MYO16: variants seen among roughly 807,000 people sequenced by gnomAD.
The protein encoded by MYO16 is unconventional myosin-XVI.
Under a neutral mutation model 205.3 loss-of-function variants are expected in MYO16, and 94 were observed. The observed-to-expected ratio is 0.46, with a 90% CI of 0.39 to 0.54. MYO16 has a LOEUF of 0.54. MYO16 is among the 20% of genes least tolerant of loss of function. The pLI, the probability that MYO16 is intolerant of heterozygous loss-of-function variation, is 0.00. For synonymous variants in MYO16, 988 were observed against 954.0 expected, an observed-to-expected ratio of 1.04 and a Z score of -0.66; for missense variants, 2,315 against 2,387.5, an observed-to-expected ratio of 0.97 and a Z score of 0.63.
At chr13:109,096,585 G>A (rs1373725822) in intron 27 of MYO16, among the ~76,000 whole-genome samples, 1 of 152,196 alleles carries the variant, frequency 6.6e-6, no homozygotes, top group Non-Finnish European at 1.5e-5. Context: ...GAGGATGTGA[G>A]GTGATATGAA....
the MYO16 span, among the ~76,000 whole-genome samples, chr13:108,529,482 A>G: frequency 4.2e-4 from 64 of 152,226 alleles, 1 homozygote; most frequent in African/African-American, 1.5e-3. Context: ...TGTTTTCTCT[A>G]TTAAAACCCC....
intron 2 of MYO16, among the ~76,000 whole-genome samples, chr13:108,685,620 T>A (rs140312992): frequency 1.3e-5 from 2 of 152,154 alleles, no homozygotes; most frequent in Admixed American, 1.3e-4. Context: ...CCTTCAAATA[T>A]CCCGTTCTGG....
intron 34 of MYO16, among the ~76,000 whole-genome samples, chr13:109,189,611 C>T (rs1879826793): frequency 6.6e-6 from 1 of 152,214 alleles, no homozygotes; most frequent in Non-Finnish European, 1.5e-5. Flanking sequence ...GAACCATGTG[C>T]TACATCTGTG....
intron 27 of MYO16, among the ~76,000 whole-genome samples, chr13:109,066,196 G>A (rs1356018223): frequency 6.6e-6 from 1 of 152,190 alleles, no homozygotes; most frequent in Non-Finnish European, 1.5e-5. Flanking sequence ...CAATGAGGCA[G>A]ACCCTCGCTA....
intron 4 of MYO16, chr13:108,779,455 G>A (rs1886229629): frequency 6.6e-6 from 1 of 152,228 alleles, no homozygotes; most frequent in African/African-American, 2.4e-5. Context: ...ACAACTTTGG[G>A]GAGGAGCCTT....
At chr13:108,972,210 T>C (rs1382815977) in intron 20 of MYO16, among the ~76,000 whole-genome samples, 1 of 6,004 alleles carries the variant, frequency 1.7e-4, no homozygotes, top group Non-Finnish European at 3.3e-4. Context: ...ACCCTGTCTC[T>C]CTCTCTCTCT....
At position 109,207,107 on chromosome 13, in the gene MYO16, A is replaced by C; in HGVS notation, c.*271A>C. On this transcript the variant is annotated 3_prime_UTR_variant, in exon 35 of 35. Transcript: ENST00000457511. Reference sequence around the variant, plus strand: ...CTCTGTGCTACCCCTAGGTAGCAAGAGAGAGGCTGGGAAAAGTGTGGACGT... The same window carrying C: ...CTCTGTGCTACCCCTAGGTAGCAAGCGAGAGGCTGGGAAAAGTGTGGACGT... 2.4e-6 allele frequency: 1 copy of C among 413,666 alleles called. No homozygotes were observed. Among genetic ancestry groups the C allele is most frequent in the East Asian group, 4.7e-5 (1 of 21,484 alleles). 25.6% of individuals were successfully genotyped at this position (413,666 alleles called of 1,614,324 possible).
At chr13:109,126,360 A>G (rs1876250687) in intron 30 of MYO16, among the ~76,000 whole-genome samples, 1 of 152,206 alleles carries the variant, frequency 6.6e-6, no homozygotes, top group African/African-American at 2.4e-5. Context: ...CTTGTGGTAG[A>G]TTCTAGCCCT....
chr13:108,824,807 C>A (rs1876166657), intron 9 of MYO16, among the ~76,000 whole-genome samples: 3 of 151,554 alleles, frequency 2.0e-5, no homozygotes, highest in South Asian at 4.2e-4. Context: ...ATTAGATAAC[C>A]TAGATGAAAT....
chr13:109,041,001 A>C (rs1237981599), intron 23 of MYO16, among the ~76,000 whole-genome samples: 5 of 152,192 alleles, frequency 3.3e-5, no homozygotes, highest in Non-Finnish European at 7.4e-5. Flanking sequence ...AGAACTAATA[A>C]GTGAGTTTAG....
At chr13:109,013,428 G>T (rs907413699) in intron 22 of MYO16, among the ~76,000 whole-genome samples, 1 of 152,128 alleles carries the variant, frequency 6.6e-6, no homozygotes. Flanking sequence ...ATAAACATAC[G>T]TGTGCATGTG....
chr13:108,965,059 A>G (rs1452482268), intron 20 of MYO16, among the ~76,000 whole-genome samples, 157 bp downstream of exon 20: 1 of 152,006 alleles, frequency 6.6e-6, no homozygotes, highest in African/African-American at 2.4e-5. Flanking sequence ...ATGGGTTTTA[A>G]TGATTATTCT....
intron 32 of MYO16, among the ~76,000 whole-genome samples, chr13:109,156,993 C>T (rs1228147980): frequency 2.0e-5 from 3 of 152,144 alleles, no homozygotes; most frequent in Non-Finnish European, 1.5e-5. Context: ...GCGGCTGTCA[C>T]TTCAAAGTCA....
intron 12 of MYO16, 85 bp downstream of exon 12, chr13:108,866,327 A>C (rs537861887): frequency 2.6e-6 from 2 of 771,014 alleles, no homozygotes; most frequent in South Asian, 2.8e-5. Flanking sequence ...ACTAAAAAAA[A>C]CAGGCAAACT....
chr13:108,736,718 A>G (rs369892786), intron 4 of MYO16, among the ~76,000 whole-genome samples: 3 of 152,132 alleles, frequency 2.0e-5, no homozygotes, highest in African/African-American at 7.2e-5. Flanking sequence ...CATTGAATCT[A>G]TAAATTACCT....
At chr13:108,939,570 G>T (rs536505539) in intron 16 of MYO16, among the ~76,000 whole-genome samples, 32 of 152,218 alleles carry the variant, frequency 2.1e-4, no homozygotes, top group Non-Finnish European at 3.5e-4. Context: ...GGTGGCTGAG[G>T]CACACTGAAT....
intron 21 of MYO16, among the ~76,000 whole-genome samples, chr13:108,995,682 A>G (rs1202214550): frequency 2.6e-5 from 4 of 152,082 alleles, no homozygotes; most frequent in Non-Finnish European, 4.4e-5. Flanking sequence ...GAGTGAGAAC[A>G]TGCGGTGTTT....
chr13:108,584,812 C>A, the MYO16 span, among the ~76,000 whole-genome samples: 2 of 152,096 alleles, frequency 1.3e-5, no homozygotes, highest in African/African-American at 4.8e-5. Flanking sequence ...CAATGATTAC[C>A]ATTACACATA....
chr13:109,067,527 A>C (rs9587768), intron 27 of MYO16, among the ~76,000 whole-genome samples: 109,551 of 152,034 alleles, frequency 0.72, 39,643 homozygotes, highest in East Asian at 0.89. Context: ...GTTGGTTCCA[A>C]TTCTTCCACA....
Sources: allele counts gnomAD v4.1 joint callset (sites outside exome capture counted in the v4.1 genomes callset), GRCh38; gene constraint gnomAD v4.1.1; transcripts MANE v1.5; gene names NCBI Gene and HGNC (gene_info 2026-07-23, HGNC 2026-07-21).